EPHB3: variants seen among roughly 807,000 people sequenced by gnomAD.
EPHB3 encodes EPH receptor B3, also known as ephrin type-B receptor 3.
Under a neutral mutation model 100.2 loss-of-function variants are expected in EPHB3, and 33 were observed. The observed-to-expected ratio is 0.33, with a 90% CI of 0.25 to 0.44. The LOEUF (loss-of-function observed/expected upper bound fraction) is 0.44, where lower values mean the gene tolerates loss of function less well. Among genes scored for constraint, EPHB3 ranks in the 20% least tolerant of loss-of-function variants. EPHB3 has a pLI of 1.00. For synonymous variants in EPHB3, 526 were observed against 554.7 expected, an observed-to-expected ratio of 0.95 and a Z score of 0.73; for missense variants, 1,045 against 1,378.3, an observed-to-expected ratio of 0.76 and a Z score of 3.83.
chr3:184,571,471 C>A lies in EPHB3; in HGVS notation c.183+89C>A. The A allele has an allele frequency of 7.0e-7, 1 of 1,431,152 alleles. No homozygotes were observed. 88.7% of individuals were successfully genotyped at this position (1,431,152 alleles called of 1,614,324 possible). A position where few individuals can be genotyped will look rare whatever the true frequency, so the allele number is the denominator to read the frequency against. ...TCCGTGCCCCCTCATCTCACCAGGG[C>A]CTGGAGGAGGGCTGCCTCTGCCCTC... On this transcript the variant is annotated intron_variant, in intron 2 of 15. Transcript: ENST00000330394. This position sits in a 1 kb window ranked among gnomAD's most constrained non-coding sequence, Gnocchi z 5.0.
rs572740428 is a variant in EPHB3, at chr3:184,577,226, C to T, written c.1354+43C>T. The T allele has an allele frequency of 2.5e-6, 4 of 1,570,722 alleles. No individual in the cohort carries two copies. The South Asian group carries it at 3.6e-5, about 14-fold the overall frequency. ...GAGGGTAGGGCCTGGGTCACTTTCT[C>T]CTGGATGAGGTGTCCCAGGACCTGC... On this transcript the variant is annotated intron_variant, in intron 5 of 15. Coordinates refer to ENST00000330394, the MANE Select transcript of EPHB3 (RefSeq NM_004443.4). The surrounding 1 kb of genome is among the most constrained non-coding windows in gnomAD (Gnocchi z 4.9).
At chr3:184,575,262 C>T (rs1714643020) in intron 3 of EPHB3, 9 of 980,060 alleles carry the variant, frequency 9.2e-6, no homozygotes, top group Non-Finnish European at 1.1e-5. Context: ...TTCCTGCCTG[C>T]TTTCTTTCTC....
rs2108436549 is a variant in EPHB3, at chr3:184,571,939, G to C, written c.183+557G>C. Among the ~76,000 whole-genome samples, 1 of 152,272 alleles carries C rather than the reference G, an allele frequency of 6.6e-6. No homozygotes were observed. The highest frequency in any genetic ancestry group is 2.1e-4 in the South Asian group (1 of 4,828). On this transcript the variant is annotated intron_variant, in intron 2 of 15. Coordinates refer to ENST00000330394, the MANE Select transcript of EPHB3 (RefSeq NM_004443.4). The surrounding 1 kb of genome is among the most constrained non-coding windows in gnomAD (Gnocchi z 5.0). ...TCACCAGGCCTGACTGTGTGACCTT[G>C]GGCAAAACTCCCTTCTGCGAGCCTT...
rs1714284988 is a variant in EPHB3, at chr3:184,562,561, G to A, written c.118+208G>A. Among the ~76,000 whole-genome samples, 1 of 152,048 alleles carries A rather than the reference G, an allele frequency of 6.6e-6. No individual in the cohort carries two copies. The highest frequency in any genetic ancestry group is 2.1e-4 in the South Asian group (1 of 4,830). ...TGGCTCGGAGGCAGGCAGCCCGCGG[G>A]TTGGGGGGTCGCGGGGAGCTAGACT... On this transcript the variant is annotated intron_variant, in intron 1 of 15. Coordinates refer to ENST00000330394, the MANE Select transcript of EPHB3 (RefSeq NM_004443.4). The surrounding 1 kb of genome is among the most constrained non-coding windows in gnomAD (Gnocchi z 4.8).
At chr3:184,575,591 C>T (rs796890476) in intron 3 of EPHB3, among the ~76,000 whole-genome samples, 9 of 100,454 alleles carry the variant, frequency 9.0e-5, no homozygotes, top group South Asian at 3.8e-4. Flanking sequence ...CATGAGGCCC[C>T]GGGGTAGGGG....
chr3:184,570,982 T>TTC (rs1479349375), intron 1 of EPHB3, among the ~76,000 whole-genome samples: 1 of 149,372 alleles, frequency 6.7e-6, no homozygotes, highest in Non-Finnish European at 1.5e-5. Flanking sequence ...TAGACAGAGT[T>TTC]TCTCTCTCTG....
intron 13 of EPHB3, 28 bp downstream of exon 13, chr3:184,580,906 G>C (rs1714803764): frequency 1.9e-6 from 3 of 1,608,360 alleles, no homozygotes; most frequent in Admixed American, 3.3e-5. Flanking sequence ...AGAGTGGTTG[G>C]GTAGGTGGGT....
rs1357124073 is a variant in EPHB3 at position 184,562,932 on chromosome 3, C to T, written c.118+579C>T. On this transcript the variant is annotated intron_variant, in intron 1 of 15. Coordinates refer to ENST00000330394, the MANE Select transcript of EPHB3 (RefSeq NM_004443.4). The surrounding 1 kb of genome is among the most constrained non-coding windows in gnomAD (Gnocchi z 4.8). Reference sequence around the variant, plus strand: ...CCGAGGTGCTGTATGGGCGGGCCCCCGCACCCTTTGTGGAGGCTCCCTCTC... The same window carrying T: ...CCGAGGTGCTGTATGGGCGGGCCCCTGCACCCTTTGTGGAGGCTCCCTCTC... 6.6e-6 allele frequency among the ~76,000 whole-genome samples: 1 copy of T among 152,222 alleles called. No individual in the cohort carries two copies. The highest frequency in any genetic ancestry group is 1.5e-5 in the Non-Finnish European group (1 of 68,034).
rs776201525 is a variant in EPHB3 at position 184,577,154 on chromosome 3, C to T, written c.1325C>T (p.Ala442Val). The T allele has an allele frequency of 7.5e-6, 12 of 1,605,860 alleles. No individual in the cohort carries two copies. The highest frequency in any genetic ancestry group is 1.7e-4 in the Middle Eastern group (1 of 6,054). ...SGKSPLPPRY[A>V]AVNITTNQAA... is the part of the protein sequence containing the mutation. Reference sequence around the variant, plus strand: ...AAGAGCCCTCTGCCGCCTCGTTATGCGGCCGTGAATATCACCACAAACCAG... The same window carrying T: ...AAGAGCCCTCTGCCGCCTCGTTATGTGGCCGTGAATATCACCACAAACCAG... Residue 442 changes from alanine (A) to valine (V), a missense_variant, in exon 5 of 16, where the codon GCG becomes GTG. Ala to Val is a moderately conservative substitution (Grantham distance 64, BLOSUM62 0). Transcript: ENST00000330394. The surrounding 1 kb of genome is among the most constrained non-coding windows in gnomAD (Gnocchi z 4.9).
In EPHB3 at chr3:184,561,855, C is replaced by T. The variant is rs1367974302; in HGVS notation, c.-381C>T. On this transcript the variant is annotated 5_prime_UTR_variant, in exon 1 of 16. Coordinates refer to ENST00000330394, the MANE Select transcript of EPHB3 (RefSeq NM_004443.4). ...CCCCGGACGGCGCGCGCCCCCGAAG[C>T]CCCGGATCCCAGTCGGGCCCGCAGC... is the stretch of plus-strand genomic sequence containing the variant. The T allele has an allele frequency of 6.5e-6, 1 of 152,898 alleles. No homozygotes were observed. Among genetic ancestry groups the T allele is most frequent in the Non-Finnish European group, 1.5e-5 (1 of 68,622 alleles). The allele number at this position is 152,898 out of a possible 1,614,324, so 9.5% of individuals were successfully genotyped here.
Position 184,577,429 on chromosome 3 carries a change from G to GGA in EPHB3, c.1443_1444dup (p.Val482GlufsTer8). The GGA allele has an allele frequency of 6.2e-7, 1 of 1,614,000 alleles. No homozygotes were observed. Among genetic ancestry groups the GGA allele is most frequent in the Non-Finnish European group, 8.5e-7 (1 of 1,180,004 alleles). ...CTGGGCACCCCCAGAGCGGCCCAAC[G>GGA]GAGTCATCCTGGACTACGAGATGAA... On this transcript the variant is annotated frameshift_variant, in exon 6 of 16. Coordinates refer to ENST00000330394, the MANE Select transcript of EPHB3 (RefSeq NM_004443.4). LOFTEE classifies it high-confidence loss of function. The surrounding 1 kb of genome is among the most constrained non-coding windows in gnomAD (Gnocchi z 4.9).
rs760669239 is a variant in EPHB3 at position 184,579,870 on chromosome 3, A to G, written c.2108A>G (p.Lys703Arg). ...ATCCGGCTCGAGGGCGTGGTCACCA[A>G]AAGTCGGCCAGTTATGATCCTCACT... ...NIIRLEGVVT[K>R]SRPVMILTEF... The change falls in exon 11 of 16, where the codon AAA becomes AGA. Residue 703 changes from lysine to arginine, a missense_variant. By Grantham distance (26) the Lys-to-Arg change is conservative. Coordinates refer to ENST00000330394, the MANE Select transcript of EPHB3 (RefSeq NM_004443.4). This position sits in a 1 kb window ranked among gnomAD's most constrained non-coding sequence, Gnocchi z 5.2. 2 of 1,613,722 alleles carry G rather than the reference A, an allele frequency of 1.2e-6. No homozygotes were observed. The highest frequency in any genetic ancestry group is 1.7e-6 in the Non-Finnish European group (2 of 1,179,976).
chr3:184,569,098 G>C lies in EPHB3; in HGVS notation c.119-2220G>C, dbSNP rs929198696. Reference sequence around the variant, plus strand: ...ATTTGGGTTTAAACAGTTCCAGATGGGTTTGGCACAGGCTGAGCAGAAGGA... The same window carrying C: ...ATTTGGGTTTAAACAGTTCCAGATGCGTTTGGCACAGGCTGAGCAGAAGGA... On this transcript the variant is annotated intron_variant, in intron 1 of 15. Transcript: ENST00000330394. The surrounding 1 kb of genome is among the most constrained non-coding windows in gnomAD (Gnocchi z 5.4). Among the ~76,000 whole-genome samples, 4 of 152,304 alleles carry C rather than the reference G, an allele frequency of 2.6e-5. No individual in the cohort carries two copies. Among genetic ancestry groups the C allele is most frequent in the Non-Finnish European group, 2.9e-5 (2 of 68,014 alleles).
chr3:184,577,613 C>T lies in EPHB3; in HGVS notation c.1480-45C>T, dbSNP rs1577529946. 6 of 1,570,906 alleles carry T rather than the reference C, an allele frequency of 3.8e-6. No homozygotes were observed. The East Asian group carries it at 1.4e-4, about 35-fold the overall frequency. Reference sequence around the variant, plus strand: ...CTGGGTGTGAATAGGGGCTGGTTGGCCTCAGGACCCACCTGAGGGTGCCCC... The same window carrying T: ...CTGGGTGTGAATAGGGGCTGGTTGGTCTCAGGACCCACCTGAGGGTGCCCC... On this transcript the variant is annotated intron_variant, in intron 6 of 15. Coordinates refer to ENST00000330394, the MANE Select transcript of EPHB3 (RefSeq NM_004443.4). The surrounding 1 kb of genome is among the most constrained non-coding windows in gnomAD (Gnocchi z 4.9).
Position 184,573,029 on chromosome 3 carries a change from G to A in EPHB3, c.709G>A (p.Ala237Thr). The A allele has an allele frequency of 6.2e-7, 1 of 1,613,148 alleles. No homozygotes were observed. Among genetic ancestry groups the A allele is most frequent in the South Asian group, 1.1e-5 (1 of 91,074 alleles). The change falls in exon 3 of 16, where the codon GCT becomes ACT. Residue 237 changes from alanine (A) to threonine (T), a missense_variant. Around this residue, in one of 2 missense-constraint regions of EPHB3, gnomAD observed 985 missense variants for 1,331.1 expected, o/e 0.74. Coordinates refer to ENST00000330394, the MANE Select transcript of EPHB3 (RefSeq NM_004443.4). The surrounding 1 kb of genome is among the most constrained non-coding windows in gnomAD (Gnocchi z 4.5). ...TGAEPTSLVIAPGTCIPNAVE... is the reference protein window; with the variant it reads ...TGAEPTSLVITPGTCIPNAVE... ...GGCGGAGCCCACCTCGCTGGTCATT[G>A]CTCCTGGCACCTGCATCCCTAACGC...
chr3:184,580,508 C>G lies in EPHB3; in HGVS notation c.2279C>G (p.Ala760Gly). The change falls in exon 12 of 16, where the codon GCT (alanine) becomes GGT (glycine). Residue 760 changes from alanine (A) to glycine (G), a missense_variant. By Grantham distance (60) the Ala-to-Gly change is moderately conservative. Coordinates refer to ENST00000330394, the MANE Select transcript of EPHB3 (RefSeq NM_004443.4). ...ATGAACTATGTGCACCGCGACCTGG[C>G]TGCTCGCAACATCCTTGTCAACAGC... ...SEMNYVHRDLAARNILVNSNL... is the reference protein window; with the variant it reads ...SEMNYVHRDLGARNILVNSNL... The G allele has an allele frequency of 6.2e-7, 1 of 1,614,238 alleles. No individual in the cohort carries two copies. The highest frequency in any genetic ancestry group is 8.5e-7 in the Non-Finnish European group (1 of 1,180,038).
chr3:184,574,299 C>T (rs1025822025), intron 3 of EPHB3, among the ~76,000 whole-genome samples: 3 of 152,154 alleles, frequency 2.0e-5, no homozygotes, highest in South Asian at 2.1e-4. Context: ...TACTAGGCTT[C>T]GGAGTTATCA....
rs1344253550 is a variant in EPHB3, at chr3:184,562,482, G to A, written c.118+129G>A. The A allele has an allele frequency of 8.9e-7, 1 of 1,125,348 alleles. No individual in the cohort carries two copies. The highest frequency in any genetic ancestry group is 4.9e-5 in the Admixed American group (1 of 20,388). The allele number at this position is 1,125,348 out of a possible 1,614,324, so 69.7% of individuals were successfully genotyped here. ...GCCCCGCCACCGGCGCCCGCTCCGG[G>A]GCCCAGGGATGGGGTGGGGAGGCCG... On this transcript the variant is annotated intron_variant, in intron 1 of 15. Transcript: ENST00000330394. This position sits in a 1 kb window ranked among gnomAD's most constrained non-coding sequence, Gnocchi z 4.8.
chr3:184,563,244 C>A lies in EPHB3; in HGVS notation c.118+891C>A. 6.6e-6 allele frequency among the ~76,000 whole-genome samples: 1 copy of A among 152,172 alleles called. No individual in the cohort carries two copies. The highest frequency in any genetic ancestry group is 1.9e-4 in the East Asian group (1 of 5,184). ...CAGAGGCCCCAACACCAGCCACAAA[C>A]AATAGGGAGGCCCACACACACTCAC... On this transcript the variant is annotated intron_variant, in intron 1 of 15. Coordinates refer to ENST00000330394, the MANE Select transcript of EPHB3 (RefSeq NM_004443.4). The surrounding 1 kb of genome is among the most constrained non-coding windows in gnomAD (Gnocchi z 4.1).
Sources: gnomAD v4.1 joint callset for allele counts (sites outside exome capture counted in the v4.1 genomes callset) on GRCh38, gnomAD v4.1.1 for gene constraint, gnomAD v4.1.1 regional missense constraint, Gnocchi (gnomAD v3.1) non-coding constraint, MANE v1.5 for transcripts, NCBI Gene and HGNC (gene_info 2026-07-23, HGNC 2026-07-21) for gene names.